SGK3: variants seen among roughly 807,000 people sequenced by gnomAD.
The protein encoded by SGK3 is serum/glucocorticoid regulated kinase family member 3, also known as serine/threonine-protein kinase Sgk3.
In SGK3, 47 loss-of-function variants were observed where a neutral mutation model predicts 68.5. The ratio of observed to expected loss-of-function variants is 0.69; its 90% confidence interval spans 0.54 to 0.87. SGK3 has a LOEUF of 0.87. SGK3 is among the 40% of genes least tolerant of loss of function. SGK3 has a pLI of 0.00. For missense variants in SGK3, 479 were observed against 575.5 expected, an observed-to-expected ratio of 0.83 and a Z score of 1.72; for synonymous variants, 181 against 189.1, an observed-to-expected ratio of 0.96 and a Z score of 0.35.
At chr8:66,829,657 T>A (rs1809217734) in intron 7 of SGK3, among the ~76,000 whole-genome samples, 1 of 152,138 alleles carries the variant, frequency 6.6e-6, no homozygotes, top group South Asian at 2.1e-4. Flanking sequence ...TTCAATGGTG[T>A]GGTGGTTGAT....
chr8:66,807,405 T>C (rs1808211529), intron 4 of SGK3, among the ~76,000 whole-genome samples: 1 of 152,220 alleles, frequency 6.6e-6, no homozygotes, highest in Non-Finnish European at 1.5e-5. Flanking sequence ...ACATTGCTGC[T>C]TCATTGTTAA....
chr8:66,767,857 A>G (rs777793185), intron 1 of SGK3: 2 of 1,397,936 alleles, frequency 1.4e-6, no homozygotes, highest in Non-Finnish European at 2.0e-6. Context: ...GGGAGCATCG[A>G]ATGTTTTGCC....
chr8:66,730,474 T>C (rs1805119288), intron 1 of SGK3, among the ~76,000 whole-genome samples: 1 of 152,188 alleles, frequency 6.6e-6, no homozygotes, highest in Non-Finnish European at 1.5e-5. Context: ...TCGGTTTTTT[T>C]CTTTGTTGCT....
intron 1 of SGK3, among the ~76,000 whole-genome samples, chr8:66,722,636 G>A (rs766729114): frequency 1.3e-5 from 2 of 152,208 alleles, no homozygotes; most frequent in Non-Finnish European, 2.9e-5. Flanking sequence ...TGGCTTAGAC[G>A]CGAAAGTGCT....
chr8:66,770,929 G>GT (rs1167464922), intron 1 of SGK3, among the ~76,000 whole-genome samples: 1 of 152,170 alleles, frequency 6.6e-6, no homozygotes, highest in African/African-American at 2.4e-5. Flanking sequence ...GGTGTGTAAG[G>GT]TATCTGAAAG....
intron 1 of SGK3, among the ~76,000 whole-genome samples, chr8:66,743,720 C>T (rs1464788821): frequency 2.0e-5 from 3 of 152,262 alleles, no homozygotes; most frequent in Non-Finnish European, 4.4e-5. Context: ...CAGGGTTTCA[C>T]CCTATTGGCC....
At chr8:66,808,408 G>A (rs914113037) in intron 4 of SGK3, among the ~76,000 whole-genome samples, 3 of 152,124 alleles carry the variant, frequency 2.0e-5, no homozygotes, top group African/African-American at 7.2e-5. Flanking sequence ...GTGTTATATG[G>A]CGTTGTTATT....
intron 1 of SGK3, among the ~76,000 whole-genome samples, chr8:66,740,825 C>G (rs534419103): frequency 1.3e-5 from 2 of 148,996 alleles, no homozygotes; most frequent in Admixed American, 1.4e-4. Context: ...AAGAATCACT[C>G]GAACCTGGGA....
At chr8:66,796,321 ATTTTTTTTTT>A (rs71249408) in intron 2 of SGK3, among the ~76,000 whole-genome samples, 2,872 of 41,492 alleles carry the variant, frequency 0.069, 51 homozygotes, top group Admixed American at 0.13. Context: ...TATTTTTTGT[ATTTTTTTTTT>A]TTTTTTTTTT....
chr8:66,778,859 G>A (rs563229418), intron 1 of SGK3, among the ~76,000 whole-genome samples: 1 of 152,122 alleles, frequency 6.6e-6, no homozygotes, highest in Non-Finnish European at 1.5e-5. Context: ...GTAAATTCAG[G>A]AAACCATCAG....
chr8:66,728,728 C>T (rs1487247567), intron 1 of SGK3, among the ~76,000 whole-genome samples: 2 of 151,952 alleles, frequency 1.3e-5, no homozygotes, highest in African/African-American at 4.8e-5. Context: ...TAGAGTGAGA[C>T]CCCACCTCAA....
intron 1 of SGK3, among the ~76,000 whole-genome samples, chr8:66,728,633 T>A (rs1805048117): frequency 6.6e-6 from 1 of 152,156 alleles, no homozygotes. Context: ...AGCCATTTCT[T>A]TATATTGGTG....
intron 16 of SGK3, among the ~76,000 whole-genome samples, chr8:66,853,720 G>A (rs1810391581): frequency 6.6e-6 from 1 of 152,180 alleles, no homozygotes; most frequent in African/African-American, 2.4e-5. Flanking sequence ...TTAGCCCACA[G>A]AATTGAGGTT....
chr8:66,770,117 C>G (rs1212237377), intron 1 of SGK3, among the ~76,000 whole-genome samples: 1 of 152,066 alleles, frequency 6.6e-6, no homozygotes, highest in Non-Finnish European at 1.5e-5. Flanking sequence ...CCACACCCGG[C>G]TAATTTTTTT....
chr8:66,850,952 A>G (rs1810257920), intron 16 of SGK3, 32 bp downstream of exon 16: 2 of 1,567,688 alleles, frequency 1.3e-6, no homozygotes, highest in Non-Finnish European at 1.7e-6. Context: ...TCTTTCTAGA[A>G]TCGTGAAACT....
At chr8:66,739,678 G>A (rs900467904) in intron 1 of SGK3, among the ~76,000 whole-genome samples, 2 of 152,176 alleles carry the variant, frequency 1.3e-5, no homozygotes, top group African/African-American at 2.4e-5. Context: ...TTACAGGCAT[G>A]AGCCACAGTA....
intron 16 of SGK3, among the ~76,000 whole-genome samples, chr8:66,857,811 G>A (rs991648568): frequency 7.5e-6 from 1 of 133,750 alleles, no homozygotes; most frequent in African/African-American, 3.2e-5. Flanking sequence ...GTGTGTGTGT[G>A]TGTGTGTGTG....
chr8:66,847,159 C>T, intron 14 of SGK3, 34 bp from the exon 15 acceptor site: 1 of 1,584,026 alleles, frequency 6.3e-7, no homozygotes. Context: ...AATTTGTTTA[C>T]CACTAAGTTT....
chr8:66,843,254 C>T (rs561768508), intron 13 of SGK3, among the ~76,000 whole-genome samples, 198 bp from the exon 14 acceptor site: 3 of 152,200 alleles, frequency 2.0e-5, no homozygotes, highest in Non-Finnish European at 2.9e-5. Context: ...ATGCAGAATA[C>T]ATGTATTGTG....
Sources: gnomAD v4.1 joint callset for allele counts (sites outside exome capture counted in the v4.1 genomes callset) on GRCh38, gnomAD v4.1.1 for gene constraint, MANE v1.5 for transcripts, NCBI Gene and HGNC (gene_info 2026-07-23, HGNC 2026-07-21) for gene names.